MRTFA: variants seen among roughly 807,000 people sequenced by gnomAD.
MRTFA encodes the protein myocardin related transcription factor A, also known as myocardin-related transcription factor A.
Under a neutral mutation model 83.5 loss-of-function variants are expected in MRTFA, and 20 were observed. That is an observed-to-expected ratio of 0.24 (90% CI 0.17 to 0.35). The LOEUF is 0.35. Among genes scored for constraint, MRTFA ranks in the 10% least tolerant of loss-of-function variants. The probability of loss-of-function intolerance (pLI) is 1.00; values close to 1 mark genes in which losing one functional copy is unlikely to be tolerated. For missense variants in MRTFA, 1,200 were observed against 1,224.7 expected, an observed-to-expected ratio of 0.98 and a Z score of 0.30; for synonymous variants, 659 against 541.2, an observed-to-expected ratio of 1.22 and a Z score of -3.02.
intron 2 of MRTFA, among the ~76,000 whole-genome samples, chr22:40,558,237 T>C (rs537729502): frequency 2.2e-4 from 29 of 134,040 alleles, no homozygotes; most frequent in South Asian, 1.5e-3. Context: ...AGGCACACCA[T>C]CATGCCTGGC....
chr22:40,459,816 C>CATAT (rs1360700440), intron 4 of MRTFA, among the ~76,000 whole-genome samples: 6 of 94,356 alleles, frequency 6.4e-5, no homozygotes, highest in South Asian at 4.3e-4. Context: ...CACACACACA[C>CATAT]ACACACATAT....
chr22:40,437,226 A>G (rs1328524085), intron 4 of MRTFA, among the ~76,000 whole-genome samples: 5 of 152,116 alleles, frequency 3.3e-5, no homozygotes, highest in Admixed American at 2.0e-4. Context: ...GTGGGTAAAT[A>G]GACACCCCCT....
At chr22:40,454,249 G>T (rs1481732493) in intron 4 of MRTFA, among the ~76,000 whole-genome samples, 1 of 152,132 alleles carries the variant, frequency 6.6e-6, no homozygotes, top group East Asian at 1.9e-4. Flanking sequence ...CTCCTAAGCT[G>T]TGACTACAGG....
At chr22:40,534,559 C>A (rs151015643) in intron 3 of MRTFA, among the ~76,000 whole-genome samples, 3 of 152,268 alleles carry the variant, frequency 2.0e-5, no homozygotes, top group African/African-American at 7.2e-5. Context: ...GGCTCAAGTG[C>A]TCCTCCCACC....
chr22:40,520,710 G>A (rs1283164487), intron 3 of MRTFA, among the ~76,000 whole-genome samples: 3 of 152,144 alleles, frequency 2.0e-5, no homozygotes, highest in African/African-American at 7.2e-5. Context: ...CAAGGCCAAG[G>A]TTCATTCATT....
chr22:40,495,627 C>T (rs907955562), intron 3 of MRTFA, among the ~76,000 whole-genome samples: 2 of 150,952 alleles, frequency 1.3e-5, no homozygotes, highest in African/African-American at 2.4e-5. Context: ...AGTGTGGTGG[C>T]GGTCGCCTGT....
intron 4 of MRTFA, among the ~76,000 whole-genome samples, chr22:40,438,354 A>G (rs1433050096): frequency 1.3e-5 from 2 of 152,230 alleles, no homozygotes; most frequent in African/African-American, 4.8e-5. Context: ...CAGGCCAGCT[A>G]GTTTCTGTAC....
chr22:40,448,968 T>C (rs1334472690), intron 4 of MRTFA, among the ~76,000 whole-genome samples: 4 of 152,126 alleles, frequency 2.6e-5, no homozygotes, highest in Non-Finnish European at 5.9e-5. Flanking sequence ...GTCTTAGAAA[T>C]CTGCCATTAA....
chr22:40,570,257 G>C (rs2055769257), intron 2 of MRTFA, among the ~76,000 whole-genome samples: 1 of 152,064 alleles, frequency 6.6e-6, no homozygotes, highest in Non-Finnish European at 1.5e-5. Flanking sequence ...AAAAGTATTA[G>C]GTGTGATTTC....
chr22:40,475,956 A>G (rs1255303599), intron 3 of MRTFA, among the ~76,000 whole-genome samples: 1 of 152,042 alleles, frequency 6.6e-6, no homozygotes, highest in Non-Finnish European at 1.5e-5. Flanking sequence ...CATCCTGGCT[A>G]ATATGGTGAA....
At chr22:40,413,750 C>T (rs939870268) in intron 14 of MRTFA, among the ~76,000 whole-genome samples, 1 of 152,136 alleles carries the variant, frequency 6.6e-6, no homozygotes. Context: ...GCCGATTTAT[C>T]ACAATTTTTA....
chr22:40,501,899 T>G (rs755183181), intron 3 of MRTFA, among the ~76,000 whole-genome samples: 35,878 of 36,008 alleles, frequency 1, 17,911 homozygotes, highest in Middle Eastern at 1. Context: ...TGGCCGGGCA[T>G]AGGGGCTCCT....
At chr22:40,535,686 G>A (rs928741260) in intron 3 of MRTFA, among the ~76,000 whole-genome samples, 1 of 152,040 alleles carries the variant, frequency 6.6e-6, no homozygotes. Flanking sequence ...CTAGTAATGA[G>A]GGTTTTCAAA....
intron 2 of MRTFA, among the ~76,000 whole-genome samples, chr22:40,559,795 A>G (rs2055587014): frequency 6.6e-6 from 1 of 152,226 alleles, no homozygotes; most frequent in South Asian, 2.1e-4. Context: ...AAGAATATCA[A>G]ATTCTACAGA....
At chr22:40,623,242 TCCAATCTTTAATAGACCAAA>T (rs1231616556) in intron 1 of MRTFA, among the ~76,000 whole-genome samples, 2 of 152,202 alleles carry the variant, frequency 1.3e-5, no homozygotes, top group African/African-American at 4.8e-5. Context: ...TTTACCCAGC[TCCAATCTTTAATAGACCAAA>T]GTTATGTAAC....
intron 1 of MRTFA, among the ~76,000 whole-genome samples, chr22:40,618,568 A>C (rs1216981056): frequency 5.9e-5 from 9 of 152,146 alleles, no homozygotes; most frequent in Non-Finnish European, 2.9e-5. Flanking sequence ...AGAGTAAGCA[A>C]AGGGAGGAGT....
chr22:40,420,259 G>A, intron 11 of MRTFA, 146 bp downstream of exon 11: 1 of 921,548 alleles, frequency 1.1e-6, no homozygotes, highest in Non-Finnish European at 1.6e-6. Context: ...CCTGTCTGAT[G>A]GGGACCAGAG....
chr22:40,536,976 G>C (rs1423647415), intron 3 of MRTFA, among the ~76,000 whole-genome samples: 1 of 88,650 alleles, frequency 1.1e-5, no homozygotes, highest in Non-Finnish European at 2.4e-5. Context: ...AGTGAGGAGC[G>C]TCTCCGCCCG....
At chr22:40,602,849 A>C (rs1243068281) in intron 1 of MRTFA, among the ~76,000 whole-genome samples, 3 of 152,130 alleles carry the variant, frequency 2.0e-5, no homozygotes, top group Non-Finnish European at 4.4e-5. Context: ...TCCATCTCAA[A>C]AAACAATAGT....
Sources: allele counts gnomAD v4.1 joint callset (sites outside exome capture counted in the v4.1 genomes callset), GRCh38; gene constraint gnomAD v4.1.1; transcripts MANE v1.5; gene names NCBI Gene and HGNC (gene_info 2026-07-23, HGNC 2026-07-21).